Variants in SLC46A1 observed in about 807,000 individuals in gnomAD.
SLC46A1 encodes solute carrier family 46 member 1.
Under a neutral mutation model 32.1 loss-of-function variants are expected in SLC46A1, and 17 were observed. The ratio of observed to expected loss-of-function variants is 0.53; its 90% CI spans 0.36 to 0.79. The LOEUF is 0.79. SLC46A1 is among the 30% of genes least tolerant of loss of function. The pLI is 0.00. For missense variants in SLC46A1, 517 were observed against 588.2 expected, an observed-to-expected ratio of 0.88 and a Z score of 1.25; for synonymous variants, 240 against 262.7, an observed-to-expected ratio of 0.91 and a Z score of 0.84.
Position 28,406,153 on chromosome 17 carries a change from G to A in SLC46A1, c.-39C>T, listed in dbSNP as rs551816929. ...GGAGCTGTCGCCAGGCGGGCGGCGG[G>A]GCGCGCGAGCGACTCGCTGCCTGGG... On this transcript the variant is annotated 5_prime_UTR_variant, in exon 1 of 5. Transcript: ENST00000612814. This position sits in a 1 kb window ranked among gnomAD's most constrained non-coding sequence, Gnocchi z 4.5. The A allele has an allele frequency of 3.0e-4, 400 of 1,330,708 alleles. 1 individual carries two copies. In the African/African-American group the frequency reaches 5.6e-3, roughly 19 times the overall value. 82.4% of individuals were successfully genotyped at this position (1,330,708 alleles called of 1,614,324 possible). A position where few individuals can be genotyped will look rare whatever the true frequency, so the allele number is the denominator to read the frequency against.
At chr17:28,402,022 G>C (rs1306442293) in intron 3 of SLC46A1, 2 of 504,894 alleles carry the variant, frequency 4.0e-6, no homozygotes, top group Admixed American at 6.5e-5. Context: ...GTGCTCTGCT[G>C]ACTGCAAATC....
At chr17:28,405,518 A>G in intron 1 of SLC46A1, 50 bp from the exon 2 acceptor site, 1 of 1,574,850 alleles carries the variant, frequency 6.3e-7, no homozygotes. Context: ...GGGTTCCACA[A>G]TCCCCAAATC....
Position 28,395,960 on chromosome 17 carries a change from T to G in SLC46A1, c.*3696A>C. On this transcript the variant is annotated 3_prime_UTR_variant, in exon 5 of 5. Transcript: ENST00000612814. Reference sequence around the variant, plus strand: ...AACATTGTGCCCATCATTGATGGCTTCGAGTGGCCTGAGCCCCAGGTCCTG... The same window carrying G: ...AACATTGTGCCCATCATTGATGGCTGCGAGTGGCCTGAGCCCCAGGTCCTG... 2 of 1,614,004 alleles carry G rather than the reference T, an allele frequency of 1.2e-6. No individual in the cohort carries two copies. The highest frequency in any genetic ancestry group is 2.7e-5 in the African/African-American group (2 of 75,042).
chr17:28,405,903 G>T lies in SLC46A1; in HGVS notation c.212C>A (p.Ala71Glu). 1 of 1,598,550 alleles carries T rather than the reference G, an allele frequency of 6.3e-7. No homozygotes were observed. The highest frequency in any genetic ancestry group is 8.5e-7 in the Non-Finnish European group (1 of 1,173,760). ...RQRGGCSNRS[A>E]DPTMQEVETL... ...CCCCGCTACCTGCATGGTGGGGTCC[G>T]CGCTGCGGTTGCTGCAGCCCCCCCT... The change falls in exon 1 of 5, where the codon GCG (alanine) becomes GAG (glutamate). Residue 71 changes from alanine (A) to glutamate (E), a missense_variant. Physicochemically the swap from Ala to Glu is moderately radical, Grantham distance 107 (BLOSUM62 -1). Coordinates refer to ENST00000612814, the MANE Select transcript of SLC46A1 (RefSeq NM_080669.6).
intron 1 of SLC46A1, chr17:28,405,679 A>C: frequency 1.0e-6 from 1 of 956,400 alleles, no homozygotes; most frequent in Non-Finnish European, 1.5e-6. Flanking sequence ...CCTTTTGTTA[A>C]CCTGCAAGGC....
chr17:28,406,330 AC>A, upstream of SLC46A1: 1 of 415,912 alleles, frequency 2.4e-6, no homozygotes, highest in Non-Finnish European at 4.2e-6. This position sits in a 1 kb window ranked among gnomAD's most constrained non-coding sequence, Gnocchi z 4.5. Flanking sequence ...GGGGCCCGGC[AC>A]CCCCAGCCCG....
chr17:28,401,991 T>C, intron 3 of SLC46A1: 2 of 396,434 alleles, frequency 5.0e-6, no homozygotes, highest in Non-Finnish European at 9.2e-6. Context: ...TCTGCTCTGG[T>C]TATCTAGAAA....
Position 28,398,714 on chromosome 17 carries a change from A to T in SLC46A1, c.*942T>A, listed in dbSNP as rs2068160212. ...ATTCATCCTTTCCCCAGGCCCATGA[A>T]GAGAGGCATCTCATTGTAGAATGTA... On this transcript the variant is annotated 3_prime_UTR_variant, in exon 5 of 5. Transcript: ENST00000612814. 1.3e-5 allele frequency: 2 copies of T among 152,332 alleles called. No homozygotes were observed. Among genetic ancestry groups the T allele is most frequent in the Admixed American group, 1.3e-4 (2 of 15,282 alleles). 9.4% of individuals were successfully genotyped at this position (152,332 alleles called of 1,614,324 possible). A position where few individuals can be genotyped will look rare whatever the true frequency, so the allele number is the denominator to read the frequency against.
chr17:28,404,680 C>A lies in SLC46A1; in HGVS notation c.1017G>T (p.Leu339=). The change falls in exon 2 of 5, where the codon CTG becomes CTT. Residue 339 remains leucine (L), a synonymous_variant. Coordinates refer to ENST00000612814, the MANE Select transcript of SLC46A1 (RefSeq NM_080669.6). ...CCACCATCCCCAGGATGTTGAAGGC[C>A]AGGCCGATCTCAGCTACCCAGGCAT... ...LADAWVAEIG[L]AFNILGMVVF... The A allele has an allele frequency of 6.2e-7, 1 of 1,613,578 alleles. No homozygotes were observed. Among genetic ancestry groups the A allele is most frequent in the Non-Finnish European group, 8.5e-7 (1 of 1,179,564 alleles).
intron 4 of SLC46A1, 63 bp downstream of exon 4, chr17:28,400,547 A>G: frequency 6.3e-7 from 1 of 1,588,896 alleles, no homozygotes; most frequent in Non-Finnish European, 8.6e-7. Context: ...GGTTGGGAGG[A>G]GAAGAGGAAA....
intron 2 of SLC46A1, 75 bp from the exon 3 acceptor site, chr17:28,402,396 C>T (rs1174611405): frequency 1.6e-6 from 2 of 1,283,620 alleles, no homozygotes; most frequent in African/African-American, 2.9e-5. Flanking sequence ...AGCAGAGCTC[C>T]TATCCATACC....
rs1350781942 is a variant in SLC46A1, at chr17:28,395,817, G to T, written c.*3839C>A. On this transcript the variant is annotated 3_prime_UTR_variant, in exon 5 of 5. Coordinates refer to ENST00000612814, the MANE Select transcript of SLC46A1 (RefSeq NM_080669.6). ...GGTGTCCTGCCCTGGGCCCAGCCTCGGGCCAGTGGGCCTCCCAGCACCTGC... is the reference window on the plus strand; with the variant it reads ...GGTGTCCTGCCCTGGGCCCAGCCTCTGGCCAGTGGGCCTCCCAGCACCTGC... 6.6e-7 allele frequency: 1 copy of T among 1,518,662 alleles called. No homozygotes were observed. Among genetic ancestry groups the T allele is most frequent in the Admixed American group, 1.7e-5 (1 of 59,164 alleles). 94.1% of individuals were successfully genotyped at this position (1,518,662 alleles called of 1,614,324 possible).
At chr17:28,404,331 T>C (rs1357162075) in intron 2 of SLC46A1, 5 of 467,572 alleles carry the variant, frequency 1.1e-5, no homozygotes, top group Non-Finnish European at 2.0e-5. Context: ...GTAAAGCAAT[T>C]AGTGTATGAG....
chr17:28,399,555 G>T lies in SLC46A1; in HGVS notation c.*101C>A. The T allele has an allele frequency of 8.1e-7, 1 of 1,230,954 alleles. No homozygotes were observed. Among genetic ancestry groups the T allele is most frequent in the Non-Finnish European group, 1.2e-6 (1 of 845,270 alleles). The allele number at this position is 1,230,954 out of a possible 1,614,324, so 76.3% of individuals were successfully genotyped here. On this transcript the variant is annotated 3_prime_UTR_variant, in exon 5 of 5. Transcript: ENST00000612814. ...CAAAGAGAGCACTGCCCTTAGACAA[G>T]AGTTGCTTGTCCTGCTGTGGGCTGG...
chr17:28,405,532 G>T (rs1405615220), intron 1 of SLC46A1, 64 bp from the exon 2 acceptor site: 13 of 1,558,524 alleles, frequency 8.3e-6, no homozygotes, highest in African/African-American at 5.4e-5. Context: ...CCAAATCCTC[G>T]CCATCCCGGG....
At position 28,396,292 on chromosome 17, in the gene SLC46A1, C is replaced by A. The variant is rs1156271162; in HGVS notation, c.*3364G>T. The A allele has an allele frequency of 1.1e-5, 18 of 1,613,738 alleles. No homozygotes were observed. The highest frequency in any genetic ancestry group is 1.5e-5 in the Non-Finnish European group (18 of 1,179,796). On this transcript the variant is annotated 3_prime_UTR_variant, in exon 5 of 5. Coordinates refer to ENST00000612814, the MANE Select transcript of SLC46A1 (RefSeq NM_080669.6). ...CACCCATGGGTCCAACCTAACCAGT[C>A]CCCAGTTCCCCAGCCCTGCTGTGAC...
chr17:28,400,553 G>T, intron 4 of SLC46A1, 57 bp downstream of exon 4: 1 of 1,597,478 alleles, frequency 6.3e-7, no homozygotes, highest in South Asian at 1.1e-5. Context: ...GAGGAGAAGA[G>T]GAAACTTTTA....
Position 28,406,143 on chromosome 17 carries a change from C to A in SLC46A1, c.-29G>T. ...CGTGCGCGGCGGAGCTGTCGCCAGG[C>A]GGGCGGCGGGGCGCGCGAGCGACTC... On this transcript the variant is annotated 5_prime_UTR_variant, in exon 1 of 5. Transcript: ENST00000612814. This position sits in a 1 kb window ranked among gnomAD's most constrained non-coding sequence, Gnocchi z 4.5. 1.5e-6 allele frequency: 2 copies of A among 1,339,670 alleles called. No individual in the cohort carries two copies. The highest frequency in any genetic ancestry group is 1.9e-6 in the Non-Finnish European group (2 of 1,047,448). 83.0% of individuals were successfully genotyped at this position (1,339,670 alleles called of 1,614,324 possible).
In SLC46A1 at chr17:28,399,431, C is replaced by A; in HGVS notation, c.*225G>T. ...CCCAAATAGCTCCTCTGCCACCTGTCCTGCAGTGGGCCTGTGTGGGTTATG... is the reference window on the plus strand; with the variant it reads ...CCCAAATAGCTCCTCTGCCACCTGTACTGCAGTGGGCCTGTGTGGGTTATG... On this transcript the variant is annotated 3_prime_UTR_variant, in exon 5 of 5. Coordinates refer to ENST00000612814, the MANE Select transcript of SLC46A1 (RefSeq NM_080669.6). 1.7e-6 allele frequency: 1 copy of A among 573,238 alleles called. No homozygotes were observed. Among genetic ancestry groups the A allele is most frequent in the Non-Finnish European group, 3.1e-6 (1 of 321,412 alleles). The allele number at this position is 573,238 out of a possible 1,614,324, so 35.5% of individuals were successfully genotyped here.
Sources: allele counts gnomAD v4.1 joint callset, GRCh38; gene constraint gnomAD v4.1.1; non-coding constraint Gnocchi (gnomAD v3.1); transcripts MANE v1.5; gene names NCBI Gene and HGNC (gene_info 2026-07-23, HGNC 2026-07-21).